The following ATP10D variants were observed in gnomAD, a reference collection of about 807,000 sequenced individuals.
ATP10D encodes the protein ATPase phospholipid transporting 10D (putative).
Under a neutral mutation model 144.8 loss-of-function variants are expected in ATP10D, and 89 were observed. That is an observed-to-expected ratio of 0.61 (90% confidence interval 0.52 to 0.73). The LOEUF is 0.73. ATP10D is among the 30% of genes least tolerant of loss of function. The pLI, the probability that ATP10D is intolerant of heterozygous loss-of-function variation, is 0.00. For missense variants in ATP10D, 1,603 were observed against 1,714.8 expected (o/e 0.93, Z 1.15); for synonymous variants, 571 against 615.1 (o/e 0.93, Z 1.06).
chr4:47,518,141 T>C (rs1716776931), intron 3 of ATP10D, among the ~76,000 whole-genome samples: 1 of 152,194 alleles, frequency 6.6e-6, no homozygotes, highest in African/African-American at 2.4e-5. Context: ...TTACAAATTA[T>C]TTCTCCACAA....
intron 15 of ATP10D, among the ~76,000 whole-genome samples, chr4:47,564,666 GT>G (rs1719508779): frequency 6.6e-6 from 1 of 152,070 alleles, no homozygotes; most frequent in Admixed American, 6.5e-5. Context: ...ACTCAGCCCA[GT>G]TTTTTCTATT....
At chr4:47,589,032 A>G (rs1720912694) in intron 22 of ATP10D, among the ~76,000 whole-genome samples, 1 of 152,158 alleles carries the variant, frequency 6.6e-6, no homozygotes, top group Non-Finnish European at 1.5e-5. Context: ...TCCTAAATGT[A>G]ACCACAAGTG....
At chr4:47,579,002 C>A (rs1199843004) in intron 19 of ATP10D, among the ~76,000 whole-genome samples, 1 of 152,152 alleles carries the variant, frequency 6.6e-6, no homozygotes, top group African/African-American at 2.4e-5. Context: ...GAAAACAAGA[C>A]TGAGAACATG....
intron 9 of ATP10D, among the ~76,000 whole-genome samples, chr4:47,537,728 T>C (rs1050474045): frequency 1.6e-4 from 24 of 152,150 alleles, no homozygotes; most frequent in African/African-American, 5.5e-4. Flanking sequence ...TAACTTAAAA[T>C]TAAGAATATA....
chr4:47,535,667 A>AAC lies in ATP10D; in HGVS notation c.883+54_883+55dup, dbSNP rs756639415. ...TCTACTCTGTGCTTTTCTACAAGTT[A>AAC]ACATTTTTCATTTACTCAAAAATGC... On this transcript the variant is annotated intron_variant, in intron 6 of 22. Transcript: ENST00000273859. The AAC allele has an allele frequency of 3.3e-6, 5 of 1,529,662 alleles. No individual in the cohort carries two copies. The African/African-American group carries it at 4.2e-5, about 13-fold the overall frequency. The allele number at this position is 1,529,662 out of a possible 1,614,324, so 94.8% of individuals were successfully genotyped here.
chr4:47,512,129 C>G (rs1716365634), intron 1 of ATP10D, among the ~76,000 whole-genome samples: 1 of 152,182 alleles, frequency 6.6e-6, no homozygotes, highest in African/African-American at 2.4e-5. Context: ...ATGTGACTTA[C>G]CTGTTATTCA....
At chr4:47,491,405 A>G in intron 1 of ATP10D, 2 of 724,768 alleles carry the variant, frequency 2.8e-6, no homozygotes, top group Admixed American at 1.8e-5. Flanking sequence ...CATGTTTTCT[A>G]AAAGGCCTAG....
rs1193130836 is a variant in ATP10D, at chr4:47,592,591, A to G, written c.*1210A>G. The stretch of plus-strand genomic sequence containing the variant: ...TTTTGAAGTCCTATCTCTATTTATT[A>G]TATTTGAAAGTTGTCAGCCACCAGT... On this transcript the variant is annotated 3_prime_UTR_variant, in exon 23 of 23. Coordinates refer to ENST00000273859, the MANE Select transcript of ATP10D (RefSeq NM_020453.4). The G allele has an allele frequency of 6.6e-6, 1 of 152,484 alleles. No homozygotes were observed. The highest frequency in any genetic ancestry group is 2.4e-5 in the African/African-American group (1 of 41,422). The allele number at this position is 152,484 out of a possible 1,614,324, so 9.4% of individuals were successfully genotyped here.
At position 47,523,070 on chromosome 4, in the gene ATP10D, C is replaced by G; in HGVS notation, c.544C>G (p.Arg182Gly). ...AGACGTTACTGTTGGGGACTTTATT[C>G]GCCTCTCCTGCAACGAGGTCATCCC... The part of the protein sequence containing the change: ...WKDVTVGDFI[R>G]LSCNEVIPAD... The change falls in exon 4 of 23, where the codon CGC becomes GGC. Residue 182 changes from arginine (R) to glycine (G), a missense_variant. Physicochemically the swap from Arg to Gly is moderately radical, Grantham distance 125. Transcript: ENST00000273859. 6.2e-7 allele frequency: 1 copy of G among 1,613,156 alleles called. No homozygotes were observed. Among genetic ancestry groups the G allele is most frequent in the South Asian group, 1.1e-5 (1 of 91,054 alleles).
chr4:47,561,199 A>G, intron 14 of ATP10D, 124 bp downstream of exon 14: 1 of 1,251,714 alleles, frequency 8.0e-7, no homozygotes, highest in Non-Finnish European at 1.1e-6. Flanking sequence ...TACCCTGTCC[A>G]GTCTGATCTC....
intron 19 of ATP10D, 92 bp from the exon 20 acceptor site, chr4:47,580,306 C>G: frequency 9.7e-7 from 1 of 1,030,614 alleles, no homozygotes; most frequent in Non-Finnish European, 1.5e-6. Context: ...AGCTTTCTCT[C>G]AGAGAAACAA....
chr4:47,487,277 C>T (rs572909725), intron 1 of ATP10D, among the ~76,000 whole-genome samples: 1 of 150,694 alleles, frequency 6.6e-6, no homozygotes, highest in African/African-American at 2.4e-5. Flanking sequence ...TTGCTATTGT[C>T]AGTAAAACGA....
rs1717129187 is a variant in ATP10D at position 47,524,444 on chromosome 4, C to G, written c.691-1113C>G. 2.6e-5 allele frequency among the ~76,000 whole-genome samples: 4 copies of G among 152,066 alleles called. No homozygotes were observed. The South Asian group carries it at 8.3e-4, about 32-fold the overall frequency. ...TGTCACTTCTGTAAGTAGTCTGGTA[C>G]CAAAGACATTGGTAAAAATCCTGCA... On this transcript the variant is annotated intron_variant, in intron 4 of 22. Transcript: ENST00000273859.
chr4:47,489,528 C>T lies in ATP10D; in HGVS notation c.-38+4009C>T, dbSNP rs377207909. 2.0e-5 allele frequency among the ~76,000 whole-genome samples: 3 copies of T among 152,140 alleles called. No homozygotes were observed. The South Asian group carries it at 6.2e-4, about 32-fold the overall frequency. On this transcript the variant is annotated intron_variant, in intron 1 of 22. Coordinates refer to ENST00000273859, the MANE Select transcript of ATP10D (RefSeq NM_020453.4). ...GTGTTAATATATAGTTCTAAAGTTTCTGCAGTGACTTATATTTTAGTTATC... is the reference window on the plus strand; with the variant it reads ...GTGTTAATATATAGTTCTAAAGTTTTTGCAGTGACTTATATTTTAGTTATC...
chr4:47,549,171 C>A (rs965861516), intron 10 of ATP10D, among the ~76,000 whole-genome samples: 4 of 152,174 alleles, frequency 2.6e-5, no homozygotes, highest in Admixed American at 2.0e-4. Context: ...GTTTATGCAT[C>A]TTTAATCTTC....
intron 10 of ATP10D, among the ~76,000 whole-genome samples, chr4:47,550,865 G>T (rs576169010): frequency 6.6e-6 from 1 of 152,124 alleles, no homozygotes; most frequent in South Asian, 2.1e-4. Flanking sequence ...AAGCAGCAGT[G>T]GTGGACAGCG....
At position 47,536,811 on chromosome 4, in the gene ATP10D, G is replaced by A. The variant is rs1213948961; in HGVS notation, c.1269G>A (p.Leu423=). 1 of 1,613,074 alleles carries A rather than the reference G, an allele frequency of 6.2e-7. No homozygotes were observed. Among genetic ancestry groups the A allele is most frequent in the Non-Finnish European group, 8.5e-7 (1 of 1,179,636 alleles). ...KMDSIVQCRA[L]NIAEDLGQIQ... ...ATTCTATTGTTCAGTGCCGAGCCCTGAACATCGCCGAGGATCTGGGACAGA... is the reference window on the plus strand; with the variant it reads ...ATTCTATTGTTCAGTGCCGAGCCCTAAACATCGCCGAGGATCTGGGACAGA... Residue 423 remains leucine (L), a synonymous_variant, in exon 9 of 23, where the codon CTG becomes CTA. Transcript: ENST00000273859.
At chr4:47,583,985 C>G (rs1487791914) in intron 21 of ATP10D, among the ~76,000 whole-genome samples, 1 of 152,164 alleles carries the variant, frequency 6.6e-6, no homozygotes, top group South Asian at 2.1e-4. Context: ...TCCTATTTCC[C>G]TAGCTTAAGT....
intron 10 of ATP10D, among the ~76,000 whole-genome samples, chr4:47,549,942 A>G (rs964260974): frequency 7.1e-6 from 1 of 141,480 alleles, no homozygotes. Context: ...GTGGTTATTC[A>G]CCTTTGTCTT....
Sources: gnomAD v4.1 joint callset for allele counts (sites outside exome capture counted in the v4.1 genomes callset) on GRCh38, gnomAD v4.1.1 for gene constraint, MANE v1.5 for transcripts, NCBI Gene and HGNC (gene_info 2026-07-23, HGNC 2026-07-21) for gene names.